Variants in CNPY1 observed in about 807,000 individuals in gnomAD.
CNPY1 encodes the protein protein canopy homolog 1.
Under a neutral mutation model 14.4 loss-of-function variants are expected in CNPY1, and 14 were observed. That is an observed-to-expected ratio of 0.97 (90% CI 0.64 to 1.52). The LOEUF is 1.52. Ranked by LOEUF, CNPY1 falls within the 40% of genes most tolerant of loss-of-function variation. The probability of loss-of-function intolerance (pLI) is 0.00; values close to 1 mark genes in which losing one functional copy is unlikely to be tolerated. For missense variants in CNPY1, 129 were observed against 131.5 expected (o/e 0.98, Z 0.09); for synonymous variants, 43 against 46.5 (o/e 0.92, Z 0.31).
intron 2 of CNPY1, among the ~76,000 whole-genome samples, chr7:155,514,791 G>A (rs546410373): frequency 6.6e-6 from 1 of 152,270 alleles, no homozygotes; most frequent in South Asian, 2.1e-4. Flanking sequence ...CTACTCAGGA[G>A]GCTAAGGCGG....
At chr7:155,504,228 C>T (rs1796217949) in intron 4 of CNPY1, among the ~76,000 whole-genome samples, 2 of 152,114 alleles carry the variant, frequency 1.3e-5, no homozygotes, top group East Asian at 1.9e-4. Flanking sequence ...AATCCTATAA[C>T]CTTTCATGGA....
At chr7:155,533,301 G>A (rs1023688990) in intron 2 of CNPY1, among the ~76,000 whole-genome samples, 1 of 152,196 alleles carries the variant, frequency 6.6e-6, no homozygotes, top group Non-Finnish European at 1.5e-5. Flanking sequence ...GCAGATAAGT[G>A]AGTCTGCTCG....
At chr7:155,516,368 AAAC>A (rs778325251) in intron 2 of CNPY1, among the ~76,000 whole-genome samples, 9 of 152,208 alleles carry the variant, frequency 5.9e-5, no homozygotes, top group African/African-American at 9.6e-5. Context: ...ACCTATGCCA[AAAC>A]AACAGTCTCA....
At chr7:155,534,162 G>A (rs1796992391) in intron 2 of CNPY1, among the ~76,000 whole-genome samples, 1 of 152,166 alleles carries the variant, frequency 6.6e-6, no homozygotes, top group South Asian at 2.1e-4. Context: ...CCTTTCCCCT[G>A]ACCCAGGCAC....
chr7:155,528,666 C>T (rs1276695885), intron 2 of CNPY1, among the ~76,000 whole-genome samples: 2 of 152,358 alleles, frequency 1.3e-5, no homozygotes, highest in Non-Finnish European at 2.9e-5. Flanking sequence ...TGCCACAAAG[C>T]GTCAGAGACT....
Position 155,546,490 on chromosome 7 carries a change from C to T in CNPY1, c.-76G>A. On this transcript the variant is annotated 5_prime_UTR_variant, in exon 1 of 5. Coordinates refer to ENST00000636446, the MANE Select transcript of CNPY1 (RefSeq NM_001393663.1). ...CCACCATGTGCAGCCTTCAAATGTG[C>T]TTTCCTATTTATTCATTTATTTATT... 2.5e-6 allele frequency: 1 copy of T among 395,470 alleles called. No homozygotes were observed. The highest frequency in any genetic ancestry group is 4.4e-6 in the Non-Finnish European group (1 of 225,462). The allele number at this position is 395,470 out of a possible 1,614,324, so 24.5% of individuals were successfully genotyped here. A position where few individuals can be genotyped will look rare whatever the true frequency, so the allele number is the denominator to read the frequency against.
At chr7:155,516,410 A>G (rs1461140623) in intron 2 of CNPY1, among the ~76,000 whole-genome samples, 1 of 152,172 alleles carries the variant, frequency 6.6e-6, no homozygotes, top group Non-Finnish European at 1.5e-5. Context: ...TTTTAACCCC[A>G]CTTCCCAAGT....
chr7:155,528,988 A>G (rs1235312959), intron 2 of CNPY1, among the ~76,000 whole-genome samples: 4 of 151,882 alleles, frequency 2.6e-5, no homozygotes, highest in Admixed American at 1.3e-4. Flanking sequence ...GTGAACCCAG[A>G]AGGCGGAGCT....
chr7:155,521,255 C>T (rs1229769671), intron 2 of CNPY1, among the ~76,000 whole-genome samples: 1 of 152,250 alleles, frequency 6.6e-6, no homozygotes, highest in Non-Finnish European at 1.5e-5. Context: ...ACATGCATTC[C>T]GTAAACTCCA....
Position 155,539,096 on chromosome 7 carries a change from G to A in CNPY1, c.99+6735C>T, listed in dbSNP as rs142390544. 6.4e-4 allele frequency among the ~76,000 whole-genome samples: 97 copies of A among 151,636 alleles called. 1 individual carries two copies. The East Asian group carries it at 0.017, about 27-fold the overall frequency. On this transcript the variant is annotated intron_variant, in intron 2 of 4. Coordinates refer to ENST00000636446, the MANE Select transcript of CNPY1 (RefSeq NM_001393663.1). ...TGCGGTCCCTTGGTCCATAGAAAGCGTAGGCCGCTAAGCCAAAGCTGTCAC... is the reference window on the plus strand; with the variant it reads ...TGCGGTCCCTTGGTCCATAGAAAGCATAGGCCGCTAAGCCAAAGCTGTCAC...
At chr7:155,526,494 G>C (rs982474841) in intron 2 of CNPY1, among the ~76,000 whole-genome samples, 1 of 152,108 alleles carries the variant, frequency 6.6e-6, no homozygotes, top group African/African-American at 2.4e-5. Flanking sequence ...TGCATCAGGC[G>C]GGACAGGGAG....
chr7:155,502,922 C>A lies in CNPY1; in HGVS notation c.*146G>T. ...GTCATGATGTCAACCAACAGATTTTCAAAATGAATCATAAACGGAGACAAA... is the reference window on the plus strand; with the variant it reads ...GTCATGATGTCAACCAACAGATTTTAAAAATGAATCATAAACGGAGACAAA... On this transcript the variant is annotated 3_prime_UTR_variant, in exon 5 of 5. Transcript: ENST00000636446. 1.5e-6 allele frequency: 1 copy of A among 670,066 alleles called. No individual in the cohort carries two copies. The allele number at this position is 670,066 out of a possible 1,614,324, so 41.5% of individuals were successfully genotyped here. A position where few individuals can be genotyped will look rare whatever the true frequency, so the allele number is the denominator to read the frequency against.
intron 2 of CNPY1, among the ~76,000 whole-genome samples, chr7:155,543,301 C>T (rs1797122700): frequency 6.6e-6 from 1 of 152,148 alleles, no homozygotes; most frequent in South Asian, 2.1e-4. Flanking sequence ...TTTTGTTCTT[C>T]ACTGAAGGCC....
At chr7:155,513,200 C>A (rs1796559959) in intron 2 of CNPY1, among the ~76,000 whole-genome samples, 1 of 152,128 alleles carries the variant, frequency 6.6e-6, no homozygotes, top group East Asian at 1.9e-4. Flanking sequence ...AATTAGAAAT[C>A]TAAAGGCACT....
intron 1 of CNPY1, among the ~76,000 whole-genome samples, 191 bp downstream of exon 1, chr7:155,546,238 G>C (rs1218273043): frequency 6.6e-6 from 1 of 151,160 alleles, no homozygotes; most frequent in Non-Finnish European, 1.5e-5. Context: ...CCAGGCTGGA[G>C]TGCAGTGGCA....
intron 2 of CNPY1, among the ~76,000 whole-genome samples, chr7:155,516,557 AAGG>A (rs1190562795): frequency 3.8e-5 from 5 of 132,610 alleles, no homozygotes; most frequent in Non-Finnish European, 6.4e-5. Context: ...CGGTGTCCTC[AAGG>A]AGTCACAGGC....
At chr7:155,516,893 G>C (rs756319687) in intron 2 of CNPY1, among the ~76,000 whole-genome samples, 1 of 152,204 alleles carries the variant, frequency 6.6e-6, no homozygotes, top group Admixed American at 6.5e-5. Context: ...CTGAGCTGTC[G>C]TGGGCGTTGC....
At chr7:155,528,553 C>G (rs1407141061) in intron 2 of CNPY1, among the ~76,000 whole-genome samples, 2 of 152,234 alleles carry the variant, frequency 1.3e-5, no homozygotes, top group Non-Finnish European at 2.9e-5. Context: ...GGTGGGTAGA[C>G]AGTGGCACTC....
chr7:155,525,283 C>T (rs553342277), intron 2 of CNPY1, among the ~76,000 whole-genome samples: 6 of 152,112 alleles, frequency 3.9e-5, no homozygotes, highest in African/African-American at 7.2e-5. Flanking sequence ...TGGGTTCAAG[C>T]GATTCTCCTG....
Sources: gnomAD v4.1 joint callset for allele counts (sites outside exome capture counted in the v4.1 genomes callset) on GRCh38, gnomAD v4.1.1 for gene constraint, MANE v1.5 for transcripts, NCBI Gene and HGNC (gene_info 2026-07-23, HGNC 2026-07-21) for gene names.